The following LRP4 variants were observed in gnomAD, a reference collection of about 807,000 sequenced individuals.
LRP4 encodes the protein low-density lipoprotein receptor-related protein 4.
Under a neutral mutation model 220.3 loss-of-function variants are expected in LRP4, and 95 were observed. That is an observed-to-expected ratio of 0.43 (90% CI 0.37 to 0.51). The LOEUF is 0.51. Ranked by LOEUF, LRP4 falls within the 20% of genes least tolerant of loss-of-function variation. The pLI is 0.00. For synonymous variants in LRP4, 903 were observed against 954.6 expected (o/e 0.95, Z 1.00); for missense variants, 1,925 against 2,567.0 (o/e 0.75, Z 5.40).
In LRP4 at chr11:46,918,364, C is replaced by T; in HGVS notation, c.16G>A (p.Gly6Ser). 1 of 1,473,268 alleles carries T rather than the reference C, an allele frequency of 6.8e-7. No homozygotes were observed. Among genetic ancestry groups the T allele is most frequent in the Non-Finnish European group, 9.0e-7 (1 of 1,117,176 alleles). The allele number at this position is 1,473,268 out of a possible 1,614,324, so 91.3% of individuals were successfully genotyped here. A position where few individuals can be genotyped will look rare whatever the true frequency, so the allele number is the denominator to read the frequency against. ...AGCAGGGCGCCAAGCAGCAGCGCGC[C>T]CCACTGCCGCCTCATGGTGCCGCCC... MRRQW[G>S]ALLLGALLCA... The change falls in exon 1 of 38, where the codon GGC (glycine) becomes AGC (serine). Residue 6 changes from glycine to serine, a missense_variant. By Grantham distance (56) the Gly-to-Ser change is moderately conservative. Transcript: ENST00000378623. The surrounding 1 kb of genome is among the most constrained non-coding windows in gnomAD (Gnocchi z 6.0).
intron 12 of LRP4, among the ~76,000 whole-genome samples, chr11:46,894,267 C>T (rs1941478995): frequency 6.6e-6 from 1 of 152,074 alleles, no homozygotes; most frequent in African/African-American, 2.4e-5. Context: ...ACTAAGCAAT[C>T]GAAACAAAAC....
chr11:46,889,553 C>A lies in LRP4; in HGVS notation c.2093-20G>T, dbSNP rs759114379. The stretch of plus-strand genomic sequence containing the variant: ...TTTTCCCTGCTCAAAGAGCCCAGGG[C>A]AAGAGGATCAGCGAAGGTCTGCAAA... On this transcript the variant is annotated intron_variant, in intron 15 of 37. Coordinates refer to ENST00000378623, the MANE Select transcript of LRP4 (RefSeq NM_002334.4). The A allele has an allele frequency of 5.6e-6, 9 of 1,612,772 alleles. No homozygotes were observed. The highest frequency in any genetic ancestry group is 6.8e-6 in the Non-Finnish European group (8 of 1,180,018).
chr11:46,892,789 C>T (rs1005163518), intron 13 of LRP4, among the ~76,000 whole-genome samples, 184 bp downstream of exon 13: 4 of 152,108 alleles, frequency 2.6e-5, no homozygotes, highest in Non-Finnish European at 5.9e-5. Flanking sequence ...AGGCTGGTCT[C>T]GAATTACTGA....
At chr11:46,868,734 T>C in intron 32 of LRP4, 21 bp from the exon 33 acceptor site, 1 of 1,531,138 alleles carries the variant, frequency 6.5e-7, no homozygotes, top group Non-Finnish European at 9.1e-7. Flanking sequence ...AGTAGATGAA[T>C]GTCTTATCTG....
chr11:46,899,901 C>A lies in LRP4; in HGVS notation c.392G>T (p.Gly131Val). The A allele has an allele frequency of 6.2e-7, 1 of 1,614,022 alleles. No individual in the cohort carries two copies. The highest frequency in any genetic ancestry group is 8.5e-7 in the Non-Finnish European group (1 of 1,180,042). The change falls in exon 4 of 38, where the codon GGT (glycine) becomes GTT (valine). Residue 131 changes from glycine to valine, a missense_variant. By Grantham distance (109) the Gly-to-Val change is moderately radical (BLOSUM62 -3). Transcript: ENST00000378623. This position sits in a 1 kb window ranked among gnomAD's most constrained non-coding sequence, Gnocchi z 5.9. ...GCTGTTGTCGCCACAGTCATTGTCACCATCGCAGTGCCACAGACTCCGGAT... is the reference window on the plus strand; with the variant it reads ...GCTGTTGTCGCCACAGTCATTGTCAACATCGCAGTGCCACAGACTCCGGAT... The part of the protein sequence containing the change: ...YCIRSLWHCD[G>V]DNDCGDNSDE...
chr11:46,862,809 G>A, intron 36 of LRP4, 62 bp from the exon 37 acceptor site: 2 of 1,483,014 alleles, frequency 1.3e-6, no homozygotes, highest in Non-Finnish European at 1.9e-6. Flanking sequence ...ACCTGGGAAA[G>A]CTGTAAACTG....
chr11:46,895,396 G>C, intron 10 of LRP4, 105 bp from the exon 11 acceptor site: 1 of 1,494,444 alleles, frequency 6.7e-7, no homozygotes, highest in Non-Finnish European at 9.2e-7. Context: ...CTACTTTCCA[G>C]GCCTAGTGGG....
intron 18 of LRP4, 100 bp downstream of exon 18, chr11:46,885,991 G>T: frequency 2.0e-6 from 2 of 993,492 alleles, no homozygotes. Context: ...GAAGACAGAA[G>T]TGGTCCAGGA....
chr11:46,914,416 T>G lies in LRP4; in HGVS notation c.52+3912A>C, dbSNP rs142952450. 6.9e-3 allele frequency among the ~76,000 whole-genome samples: 1,055 copies of G among 152,314 alleles called. 6 individuals are homozygous for G. Among genetic ancestry groups the G allele is most frequent in the Non-Finnish European group, 8.8e-3 (598 of 68,038 alleles). ...GTGTGGAGCCTAGTTTGAGGAATGC[T>G]CCCGATTGTACGAGGAACTCATTCC... is the stretch of plus-strand genomic sequence containing the variant. On this transcript the variant is annotated intron_variant, in intron 1 of 37. Transcript: ENST00000378623.
chr11:46,871,712 C>A, intron 30 of LRP4, 79 bp from the exon 31 acceptor site: 1 of 947,804 alleles, frequency 1.1e-6, no homozygotes, highest in Admixed American at 2.0e-5. Context: ...ACCTGTTTGT[C>A]CCCTCCTGAG....
rs566673761 is a variant in LRP4, at chr11:46,899,614, G to A, written c.431-111C>T. The A allele has an allele frequency of 5.9e-6, 5 of 840,490 alleles. No individual in the cohort carries two copies. The highest frequency in any genetic ancestry group is 2.7e-5 in the South Asian group (2 of 73,618). The allele number at this position is 840,490 out of a possible 1,614,324, so 52.1% of individuals were successfully genotyped here. On this transcript the variant is annotated intron_variant, in intron 4 of 37. Coordinates refer to ENST00000378623, the MANE Select transcript of LRP4 (RefSeq NM_002334.4). This position sits in a 1 kb window ranked among gnomAD's most constrained non-coding sequence, Gnocchi z 5.9. ...CTTTGGCGGGTCTGACCTAGCCCCC[G>A]AAAGGCACCCCAGAGTCAGTGCAGA...
chr11:46,883,434 C>G (rs1163786335), intron 19 of LRP4, among the ~76,000 whole-genome samples: 1 of 152,290 alleles, frequency 6.6e-6, no homozygotes, highest in African/African-American at 2.4e-5. Flanking sequence ...CATGAGCTAT[C>G]TGTGCCTTAG....
intron 1 of LRP4, among the ~76,000 whole-genome samples, chr11:46,913,881 G>A (rs1941907858): frequency 2.6e-5 from 4 of 152,036 alleles, no homozygotes; most frequent in Admixed American, 2.6e-4. Flanking sequence ...ACTATGCTTC[G>A]GTTCTATCAC....
chr11:46,902,148 A>G (rs1385948673), intron 2 of LRP4, among the ~76,000 whole-genome samples: 2 of 151,898 alleles, frequency 1.3e-5, no homozygotes, highest in East Asian at 3.9e-4. Context: ...ACTTGAAGTC[A>G]TGAGTTCGAG....
intron 13 of LRP4, among the ~76,000 whole-genome samples, chr11:46,892,621 G>T (rs185289066): frequency 6.7e-6 from 1 of 150,294 alleles, no homozygotes; most frequent in East Asian, 2.0e-4. Flanking sequence ...TCCCAGGCTG[G>T]AGTGCAGTGG....
chr11:46,858,932 G>C lies in LRP4; in HGVS notation c.*51C>G, dbSNP rs771178579. 1.6e-5 allele frequency: 25 copies of C among 1,535,632 alleles called. No homozygotes were observed. The Middle Eastern group carries it at 3.2e-3, about 194-fold the overall frequency. Reference sequence around the variant, plus strand: ...GCGGTGTAAGCGAGCACAAGGACTAGACGTCCATAAAGGAGAAGGAACAGG... The same window carrying C: ...GCGGTGTAAGCGAGCACAAGGACTACACGTCCATAAAGGAGAAGGAACAGG... On this transcript the variant is annotated 3_prime_UTR_variant, in exon 38 of 38. Coordinates refer to ENST00000378623, the MANE Select transcript of LRP4 (RefSeq NM_002334.4).
rs188862571 is a variant in LRP4, at chr11:46,873,686, C to T, written c.4230-93G>A. On this transcript the variant is annotated intron_variant, in intron 28 of 37. Transcript: ENST00000378623. The surrounding 1 kb of genome is among the most constrained non-coding windows in gnomAD (Gnocchi z 4.2). ...GTTCCCATAACTGGACCCCACTGAACTGTAAGCTCCACAGGGATAGAGACC... is the reference window on the plus strand; with the variant it reads ...GTTCCCATAACTGGACCCCACTGAATTGTAAGCTCCACAGGGATAGAGACC... 4,189 of 973,184 alleles carry T rather than the reference C, an allele frequency of 4.3e-3. 23 individuals are homozygous for T. The highest frequency in any genetic ancestry group is 4.7e-3 in the Non-Finnish European group (3,017 of 635,966). 60.3% of individuals were successfully genotyped at this position (973,184 alleles called of 1,614,324 possible).
rs1372130368 is a variant in LRP4 at position 46,875,733 on chromosome 11, C to T, written c.3700-52G>A. On this transcript the variant is annotated intron_variant, in intron 26 of 37. Coordinates refer to ENST00000378623, the MANE Select transcript of LRP4 (RefSeq NM_002334.4). The surrounding 1 kb of genome is among the most constrained non-coding windows in gnomAD (Gnocchi z 4.5). ...TGGTGATCAGCAGATTGGGAACTCT[C>T]CATGGAGATCCTAGGCAGGCCTTTC... 3 of 1,612,650 alleles carry T rather than the reference C, an allele frequency of 1.9e-6. No individual in the cohort carries two copies. Among genetic ancestry groups the T allele is most frequent in the African/African-American group, 2.7e-5 (2 of 74,856 alleles).
At position 46,899,506 on chromosome 11, in the gene LRP4, G is replaced by T; in HGVS notation, c.431-3C>A. 1.3e-6 allele frequency: 2 copies of T among 1,596,808 alleles called. No homozygotes were observed. Among genetic ancestry groups the T allele is most frequent in the Non-Finnish European group, 1.7e-6 (2 of 1,165,594 alleles). On this transcript the variant is annotated splice_polypyrimidine_tract_variant and splice_region_variant and intron_variant, in intron 4 of 37. Coordinates refer to ENST00000378623, the MANE Select transcript of LRP4 (RefSeq NM_002334.4). This position sits in a 1 kb window ranked among gnomAD's most constrained non-coding sequence, Gnocchi z 5.9. ...CTTGTCGGAGCACTTGCGCATGTCTGGGGGGATGCGATGGGACAGCAGTTC... is the reference window on the plus strand; with the variant it reads ...CTTGTCGGAGCACTTGCGCATGTCTTGGGGGATGCGATGGGACAGCAGTTC...
Sources: gnomAD v4.1 joint callset for allele counts (sites outside exome capture counted in the v4.1 genomes callset) on GRCh38, gnomAD v4.1.1 for gene constraint, Gnocchi (gnomAD v3.1) non-coding constraint, MANE v1.5 for transcripts, NCBI Gene and HGNC (gene_info 2026-07-23, HGNC 2026-07-21) for gene names.